TEC: variants seen among roughly 807,000 people sequenced by gnomAD.
TEC encodes the protein tec protein tyrosine kinase.
TEC carries 72 observed loss-of-function variants against 93.0 expected under a neutral mutation model. The observed-to-expected ratio is 0.77, with a 90% CI of 0.64 to 0.94. The LOEUF (loss-of-function observed/expected upper bound fraction) is 0.94, where lower values mean the gene tolerates loss of function less well. Ranked by LOEUF, TEC falls within the 40% of genes least tolerant of loss-of-function variation. TEC has a pLI of 0.00. For missense variants in TEC, 630 were observed against 757.9 expected (o/e 0.83, Z 1.98); for synonymous variants, 249 against 247.7 (o/e 1.01, Z -0.05).
chr4:48,153,786 G>A (rs748491292), intron 9 of TEC, among the ~76,000 whole-genome samples: 11 of 152,148 alleles, frequency 7.2e-5, no homozygotes, highest in Admixed American at 4.6e-4. Context: ...AAAAATGAGT[G>A]ACATTACTAC....
At chr4:48,247,520 T>G (rs1324770072) in intron 1 of TEC, among the ~76,000 whole-genome samples, 4 of 149,048 alleles carry the variant, frequency 2.7e-5, no homozygotes, top group Non-Finnish European at 5.9e-5. Context: ...TAAACAAAAT[T>G]TATATATTCA....
intron 11 of TEC, among the ~76,000 whole-genome samples, chr4:48,148,824 C>T (rs1379497056): frequency 6.6e-6 from 1 of 152,170 alleles, no homozygotes; most frequent in Admixed American, 6.5e-5. Flanking sequence ...TCTGTCCTCC[C>T]AACCTCTACC....
At chr4:48,157,519 GCTT>G (rs759088330) in intron 8 of TEC, among the ~76,000 whole-genome samples, 4 of 152,004 alleles carry the variant, frequency 2.6e-5, no homozygotes, top group African/African-American at 9.7e-5. Flanking sequence ...AATCTGCACC[GCTT>G]CTTCTTTTTT....
chr4:48,184,553 C>G (rs1004362070), intron 2 of TEC, among the ~76,000 whole-genome samples: 1 of 152,144 alleles, frequency 6.6e-6, no homozygotes, highest in South Asian at 2.1e-4. Flanking sequence ...CCCTCTCCCA[C>G]CTCTTTTCTC....
Position 48,138,752 on chromosome 4 carries a change from T to G in TEC, c.1725A>C (p.Val575=), listed in dbSNP as rs753265097. The G allele has an allele frequency of 1.2e-6, 2 of 1,614,214 alleles. No individual in the cohort carries two copies. The highest frequency in any genetic ancestry group is 2.2e-5 in the East Asian group (1 of 44,882). Residue 575 remains valine, a synonymous_variant, in exon 17 of 18, where the codon GTA becomes GTC. Coordinates refer to ENST00000381501, the MANE Select transcript of TEC (RefSeq NM_003215.3). ...PFEKYTNYEV[V]TMVTRGHRLY... is the part of the protein sequence containing the mutation. The stretch of plus-strand genomic sequence containing the variant: ...GTCGGTGGCCTCGAGTAACCATGGT[T>G]ACCACTTCATAATTGGTGTATTTTT...
At chr4:48,228,843 T>A (rs3792618) in intron 1 of TEC, among the ~76,000 whole-genome samples, 184 bp from the exon 2 acceptor site, 11,676 of 152,260 alleles carry the variant, frequency 0.077, 625 homozygotes, top group East Asian at 0.24. Context: ...CCAGTTTCCA[T>A]CCTGCTCCTC....
intron 1 of TEC, among the ~76,000 whole-genome samples, chr4:48,243,073 G>A (rs1011316534): frequency 1.3e-5 from 2 of 152,016 alleles, no homozygotes; most frequent in Non-Finnish European, 2.9e-5. Context: ...CACTGAGAGG[G>A]CAGGCCTGTA....
chr4:48,264,026 C>A (rs988031050), intron 1 of TEC, among the ~76,000 whole-genome samples: 1 of 152,218 alleles, frequency 6.6e-6, no homozygotes, highest in African/African-American at 2.4e-5. Flanking sequence ...AAAACCTCTA[C>A]TTTCTCTCCC....
intron 2 of TEC, among the ~76,000 whole-genome samples, chr4:48,212,119 A>AAC: frequency 7.0e-6 from 1 of 142,326 alleles, no homozygotes; most frequent in Non-Finnish European, 1.5e-5. Flanking sequence ...AAATATATAT[A>AAC]TATATATATA....
intron 3 of TEC, among the ~76,000 whole-genome samples, chr4:48,173,355 G>C (rs1721191912): frequency 6.6e-6 from 1 of 152,218 alleles, no homozygotes; most frequent in South Asian, 2.1e-4. Context: ...AAACTAGCTT[G>C]ATATATTACC....
At chr4:48,250,995 C>T (rs189519221) in intron 1 of TEC, among the ~76,000 whole-genome samples, 19 of 152,346 alleles carry the variant, frequency 1.2e-4, no homozygotes, top group Non-Finnish European at 2.1e-4. Flanking sequence ...GAATATCCTC[C>T]TAATGGGTCT....
At chr4:48,170,083 C>G (rs1721040623) in intron 5 of TEC, among the ~76,000 whole-genome samples, 165 bp downstream of exon 5, 1 of 152,202 alleles carries the variant, frequency 6.6e-6, no homozygotes, top group Admixed American at 6.5e-5. Flanking sequence ...ACGAGAAGGT[C>G]TCACTGTAAC....
intron 14 of TEC, among the ~76,000 whole-genome samples, chr4:48,142,706 G>A (rs545177326): frequency 1.1e-3 from 167 of 152,064 alleles, no homozygotes; most frequent in Non-Finnish European, 1.8e-3. Context: ...TTTTGAAACT[G>A]AGTCTCGCTC....
At chr4:48,224,053 C>A (rs1355921839) in intron 2 of TEC, among the ~76,000 whole-genome samples, 1 of 152,136 alleles carries the variant, frequency 6.6e-6, no homozygotes, top group African/African-American at 2.4e-5. Flanking sequence ...TGTTTTGTAT[C>A]GTTTCGCTGT....
intron 2 of TEC, among the ~76,000 whole-genome samples, chr4:48,201,230 C>A (rs1393386675): frequency 6.6e-6 from 1 of 152,054 alleles, no homozygotes; most frequent in Admixed American, 6.6e-5. Context: ...ACTGGGTAGA[C>A]CATGGTACCA....
chr4:48,225,441 T>C (rs1230508857), intron 2 of TEC, among the ~76,000 whole-genome samples: 2 of 152,136 alleles, frequency 1.3e-5, no homozygotes, highest in Non-Finnish European at 2.9e-5. Flanking sequence ...CTTCCGAAAG[T>C]GCTAGGATTA....
chr4:48,250,502 TGGGAC>T (rs909154930), intron 1 of TEC, among the ~76,000 whole-genome samples: 4 of 152,206 alleles, frequency 2.6e-5, no homozygotes, highest in African/African-American at 9.6e-5. Context: ...CTTTGACCAA[TGGGAC>T]AGTAGCAAAC....
chr4:48,212,110 A>AAAAAAAAAAAATATAT, intron 2 of TEC, among the ~76,000 whole-genome samples: 6 of 122,258 alleles, frequency 4.9e-5, no homozygotes, highest in Admixed American at 9.9e-5. Context: ...AAAAAAAAAA[A>AAAAAAAAAAAATATAT]ATATATATAT....
chr4:48,227,239 G>A (rs1304847207), intron 2 of TEC, among the ~76,000 whole-genome samples: 1 of 152,038 alleles, frequency 6.6e-6, no homozygotes, highest in African/African-American at 2.4e-5. Flanking sequence ...GAAACACAAT[G>A]CCATTCTATC....
Sources: allele counts gnomAD v4.1 joint callset (sites outside exome capture counted in the v4.1 genomes callset), GRCh38; gene constraint gnomAD v4.1.1; transcripts MANE v1.5; gene names NCBI Gene and HGNC (gene_info 2026-07-23, HGNC 2026-07-21).